Variants in MORC1 observed in about 807,000 individuals in gnomAD.
MORC1 encodes the protein MORC family CW-type zinc finger protein 1.
A neutral mutation model predicts 134.9 loss-of-function variants in MORC1; 59 were observed. The ratio of observed to expected loss-of-function variants is 0.44; its 90% CI spans 0.35 to 0.54. The LOEUF (loss-of-function observed/expected upper bound fraction) is 0.54. Ranked by LOEUF, MORC1 falls within the 20% of genes least tolerant of loss-of-function variation. MORC1 has a pLI of 0.00. For missense variants in MORC1, 947 were observed against 1,134.5 expected, an observed-to-expected ratio of 0.83 and a Z score of 2.37; for synonymous variants, 395 against 391.7, an observed-to-expected ratio of 1.01 and a Z score of -0.10.
intron 18 of MORC1, among the ~76,000 whole-genome samples, chr3:109,006,329 A>G (rs557477354): frequency 6.6e-6 from 1 of 152,340 alleles, no homozygotes; most frequent in East Asian, 1.9e-4. Context: ...ATATACTAGC[A>G]GAAGGTGCAA....
In MORC1 at chr3:109,118,107, C is replaced by T. The variant is rs748047469; in HGVS notation, c.-48G>A. ...ACTCAAGGGGACAAGGACACCTGAC[C>T]GGCAGCCGTTCGCCTGCGCCCGCGC... is the stretch of plus-strand genomic sequence containing the variant. On this transcript the variant is annotated 5_prime_UTR_variant, in exon 1 of 28. Transcript: ENST00000232603. The T allele has an allele frequency of 6.4e-7, 1 of 1,574,244 alleles. No individual in the cohort carries two copies.
intron 14 of MORC1, among the ~76,000 whole-genome samples, chr3:109,046,266 G>A (rs1949693599): frequency 1.3e-5 from 2 of 152,174 alleles, no homozygotes; most frequent in South Asian, 2.1e-4. Context: ...AAGGGAGAGG[G>A]CTACAGGCCT....
At chr3:109,086,896 A>G (rs1950624953) in intron 8 of MORC1, among the ~76,000 whole-genome samples, 1 of 152,116 alleles carries the variant, frequency 6.6e-6, no homozygotes, top group South Asian at 2.1e-4. Flanking sequence ...TCAAAATTTT[A>G]AAAATGGTAA....
chr3:108,984,806 A>T, intron 22 of MORC1, 24 bp from the exon 23 acceptor site: 1 of 1,586,756 alleles, frequency 6.3e-7, no homozygotes, highest in Non-Finnish European at 8.6e-7. Context: ...TAGACAAACA[A>T]TCGCATTTGG....
At chr3:109,059,779 C>T in intron 12 of MORC1, 27 bp downstream of exon 12, 1 of 1,600,910 alleles carries the variant, frequency 6.2e-7, no homozygotes, top group Non-Finnish European at 8.5e-7. Context: ...CAGAGGATTC[C>T]TGCAAACAGA....
intron 3 of MORC1, among the ~76,000 whole-genome samples, chr3:109,104,620 G>T (rs888059702): frequency 1.3e-5 from 2 of 152,070 alleles, no homozygotes. Context: ...GAGGCCAGGG[G>T]TTCAAGACCA....
chr3:109,069,223 C>T (rs67965871), intron 9 of MORC1, among the ~76,000 whole-genome samples: 23,018 of 151,938 alleles, frequency 0.15, 1,903 homozygotes, highest in African/African-American at 0.21. Context: ...TATAAATCAA[C>T]CAGATACATA....
chr3:109,006,063 GAC>G (rs1948532769), intron 18 of MORC1, among the ~76,000 whole-genome samples: 1 of 152,176 alleles, frequency 6.6e-6, no homozygotes, highest in South Asian at 2.1e-4. Flanking sequence ...GACTTACGAT[GAC>G]ATGTTACAAT....
intron 17 of MORC1, among the ~76,000 whole-genome samples, chr3:109,012,118 T>C (rs1006069546): frequency 1.3e-5 from 2 of 152,188 alleles, no homozygotes; most frequent in Non-Finnish European, 2.9e-5. Flanking sequence ...AATAATGTTG[T>C]ATATGACAGG....
At chr3:109,090,620 C>CAAA (rs34093019) in intron 8 of MORC1, among the ~76,000 whole-genome samples, 147 of 54,190 alleles carry the variant, frequency 2.7e-3, no homozygotes, top group African/African-American at 3.2e-3. Context: ...AACTCCGTCT[C>CAAA]AAAAAAAAAA....
chr3:108,980,349 C>A (rs1345765155), intron 23 of MORC1, among the ~76,000 whole-genome samples: 3 of 152,182 alleles, frequency 2.0e-5, no homozygotes, highest in Non-Finnish European at 4.4e-5. Context: ...ACGAAACTCT[C>A]TCCCACCTAG....
intron 4 of MORC1, among the ~76,000 whole-genome samples, chr3:109,103,227 A>G (rs972198104): frequency 6.6e-6 from 1 of 152,196 alleles, no homozygotes; most frequent in African/African-American, 2.4e-5. Context: ...AAACAACCCA[A>G]TGCCCTCAGA....
At chr3:109,064,136 T>G (rs540606056) in intron 9 of MORC1, among the ~76,000 whole-genome samples, 2 of 152,136 alleles carry the variant, frequency 1.3e-5, no homozygotes, top group Admixed American at 6.5e-5. Context: ...TGTGTGTGTA[T>G]GCATGCGTGT....
intron 6 of MORC1, among the ~76,000 whole-genome samples, chr3:109,097,926 T>C (rs1310347067): frequency 6.6e-6 from 1 of 152,142 alleles, no homozygotes; most frequent in Non-Finnish European, 1.5e-5. Flanking sequence ...ACTACGATTA[T>C]ATGATAGAAG....
chr3:108,971,259 T>C, intron 25 of MORC1, 71 bp downstream of exon 25: 1 of 1,409,414 alleles, frequency 7.1e-7, no homozygotes, highest in Non-Finnish European at 1.0e-6. Flanking sequence ...TTGGAAACAC[T>C]TTACATTTTT....
At chr3:109,085,692 T>C (rs567735736) in intron 8 of MORC1, among the ~76,000 whole-genome samples, 3 of 152,176 alleles carry the variant, frequency 2.0e-5, no homozygotes, top group African/African-American at 4.8e-5. Context: ...TTTTGGAGAA[T>C]AGTATGAAGG....
At position 109,057,543 on chromosome 3, in the gene MORC1, TAGGAAACTGCTAATA is replaced by T. The variant is rs952278943; in HGVS notation, c.1032-72_1032-58del. On this transcript the variant is annotated intron_variant, in intron 12 of 27. Transcript: ENST00000232603. ...GTTTATTAAATAAACATACACAGTT[TAGGAAACTGCTAATA>T]ATTAAACTAGAAGGTTAACGTCAAA... 2.1e-5 allele frequency: 30 copies of T among 1,425,316 alleles called. No homozygotes were observed. The Admixed American group carries it at 4.1e-4, about 20-fold the overall frequency. The allele number at this position is 1,425,316 out of a possible 1,614,324, so 88.3% of individuals were successfully genotyped here.
chr3:109,095,034 G>T lies in MORC1; in HGVS notation c.458C>A (p.Thr153Asn). The change falls in exon 7 of 28, where the codon ACC becomes AAC. Residue 153 changes from threonine to asparagine, a missense_variant. Thr to Asn is a moderately conservative substitution (Grantham distance 65). Coordinates refer to ENST00000232603, the MANE Select transcript of MORC1 (RefSeq NM_014429.4). Reference protein sequence around the residue: ...VVPMPSWLIRTRESVTDDPQK... With the variant: ...VVPMPSWLIRNRESVTDDPQK... ...GGGATCATCTGTGACAGATTCTCTGGTTCTTATTAACCATGAGGGCATTGG... is the reference window on the plus strand; with the variant it reads ...GGGATCATCTGTGACAGATTCTCTGTTTCTTATTAACCATGAGGGCATTGG... 2 of 1,588,338 alleles carry T rather than the reference G, an allele frequency of 1.3e-6. No individual in the cohort carries two copies. The highest frequency in any genetic ancestry group is 1.7e-6 in the Non-Finnish European group (2 of 1,172,210).
intron 4 of MORC1, among the ~76,000 whole-genome samples, chr3:109,100,912 T>A (rs1003920581): frequency 2.0e-5 from 3 of 152,120 alleles, no homozygotes; most frequent in African/African-American, 7.2e-5. Context: ...AGGATATATA[T>A]AGGTTATACG....
Sources: gnomAD v4.1 joint callset for allele counts (sites outside exome capture counted in the v4.1 genomes callset) on GRCh38, gnomAD v4.1.1 for gene constraint, MANE v1.5 for transcripts, NCBI Gene and HGNC (gene_info 2026-07-23, HGNC 2026-07-21) for gene names.